Variants in PRIMA1 observed in about 807,000 individuals in gnomAD.
PRIMA1 encodes proline-rich membrane anchor 1.
In PRIMA1, 7 loss-of-function variants were observed where a neutral mutation model predicts 17.5. That is an observed-to-expected ratio of 0.40 (90% CI 0.23 to 0.75). The LOEUF is 0.75. Among genes scored for constraint, PRIMA1 ranks in the 30% least tolerant of loss-of-function variants. PRIMA1 has a pLI of 0.37. For synonymous variants in PRIMA1, 97 were observed against 77.9 expected (o/e 1.25, Z -1.29); for missense variants, 200 against 201.8 (o/e 0.99, Z 0.05).
chr14:93,728,450 T>A (rs1595190606), intron 4 of PRIMA1, among the ~76,000 whole-genome samples: 1 of 150,926 alleles, frequency 6.6e-6, no homozygotes. Context: ...AGCTGGAGAG[T>A]CCTGAGCGAG....
In PRIMA1 at chr14:93,719,428, C is replaced by T. The variant is rs535539854; in HGVS notation, c.*2016G>A. On this transcript the variant is annotated 3_prime_UTR_variant, in exon 5 of 5. Coordinates refer to ENST00000393140, the MANE Select transcript of PRIMA1 (RefSeq NM_178013.4). ...CCATGGTCCCTTAGCCAGGAACCTC[C>T]CCTCTTAGAGAAGGTGCCCTCTGAT... 2 of 152,238 alleles carry T rather than the reference C, an allele frequency of 1.3e-5. No homozygotes were observed. Among genetic ancestry groups the T allele is most frequent in the African/African-American group, 4.8e-5 (2 of 41,378 alleles). The allele number at this position is 152,238 out of a possible 1,614,324, so 9.4% of individuals were successfully genotyped here.
chr14:93,766,530 C>T (rs10138580), intron 3 of PRIMA1, among the ~76,000 whole-genome samples: 26,705 of 152,190 alleles, frequency 0.18, 2,552 homozygotes, highest in Non-Finnish European at 0.19. Flanking sequence ...TTGCCACTGC[C>T]CACTGCAGAC....
intron 3 of PRIMA1, among the ~76,000 whole-genome samples, chr14:93,770,959 C>A (rs980815513): frequency 2.6e-5 from 4 of 152,156 alleles, no homozygotes; most frequent in African/African-American, 9.7e-5. Context: ...CTGTGTACGA[C>A]TAACAAAGGA....
rs1288816537 is a variant in PRIMA1 at position 93,726,912 on chromosome 14, T to C, written c.360-5366A>G. Among the ~76,000 whole-genome samples the C allele has an allele frequency of 6.6e-6, 1 of 152,158 alleles. No individual in the cohort carries two copies. Among genetic ancestry groups the C allele is most frequent in the Non-Finnish European group, 1.5e-5 (1 of 68,038 alleles). ...ACATACATATGAATACACATATGCA[T>C]ATGCATACCTACAGACATATATCCC... On this transcript the variant is annotated intron_variant, in intron 4 of 4. Coordinates refer to ENST00000393140, the MANE Select transcript of PRIMA1 (RefSeq NM_178013.4). This position sits in a 1 kb window ranked among gnomAD's most constrained non-coding sequence, Gnocchi z 4.2.
At chr14:93,786,273 AT>A (rs1315401354) in intron 2 of PRIMA1, among the ~76,000 whole-genome samples, 1 of 152,246 alleles carries the variant, frequency 6.6e-6, no homozygotes, top group Non-Finnish European at 1.5e-5. Context: ...GCTGAGTTTA[AT>A]AACTGCTGTT....
At chr14:93,731,475 G>A (rs1433134260) in intron 4 of PRIMA1, among the ~76,000 whole-genome samples, 1 of 152,188 alleles carries the variant, frequency 6.6e-6, no homozygotes, top group African/African-American at 2.4e-5. Flanking sequence ...GCCATAGTAT[G>A]TATATGTATT....
chr14:93,785,188 C>CAAAAAAAAA (rs386382197), intron 2 of PRIMA1, among the ~76,000 whole-genome samples: 1 of 110,058 alleles, frequency 9.1e-6, no homozygotes, highest in Non-Finnish European at 1.8e-5. Context: ...TCTTCTCTTT[C>CAAAAAAAAA]AAAAAAAAAA....
Position 93,721,047 on chromosome 14 carries a change from T to G in PRIMA1, c.*397A>C. The G allele has an allele frequency of 5.9e-6, 1 of 170,858 alleles. No homozygotes were observed. 10.6% of individuals were successfully genotyped at this position (170,858 alleles called of 1,614,324 possible). A position where few individuals can be genotyped will look rare whatever the true frequency, so the allele number is the denominator to read the frequency against. On this transcript the variant is annotated 3_prime_UTR_variant, in exon 5 of 5. Coordinates refer to ENST00000393140, the MANE Select transcript of PRIMA1 (RefSeq NM_178013.4). ...GGAGGAGAGGTTTTCCGGCAGGGAGTGGGCTCCGGACCATCTTTCTTTTGG... is the reference window on the plus strand; with the variant it reads ...GGAGGAGAGGTTTTCCGGCAGGGAGGGGGCTCCGGACCATCTTTCTTTTGG...
At chr14:93,737,978 C>G (rs2076162073) in intron 3 of PRIMA1, among the ~76,000 whole-genome samples, 1 of 152,200 alleles carries the variant, frequency 6.6e-6, no homozygotes, top group Admixed American at 6.5e-5. Flanking sequence ...ACAGGGGATG[C>G]TGAGGGAGGA....
chr14:93,731,101 T>G (rs1434001790), intron 4 of PRIMA1, among the ~76,000 whole-genome samples: 2 of 152,186 alleles, frequency 1.3e-5, no homozygotes, highest in Admixed American at 1.3e-4. Context: ...AACAGCATAG[T>G]ACGCTATGTG....
chr14:93,728,545 C>G (rs2076094184), intron 4 of PRIMA1, among the ~76,000 whole-genome samples: 1 of 152,126 alleles, frequency 6.6e-6, no homozygotes, highest in African/African-American at 2.4e-5. Context: ...GGCAAGGTGT[C>G]TGGGTCTTAT....
At chr14:93,747,149 C>T (rs1304353192) in intron 3 of PRIMA1, among the ~76,000 whole-genome samples, 1 of 152,088 alleles carries the variant, frequency 6.6e-6, no homozygotes, top group Non-Finnish European at 1.5e-5. Context: ...CCCTGGGGCA[C>T]CTCAACATGA....
At chr14:93,749,506 C>G (rs372113992) in intron 3 of PRIMA1, among the ~76,000 whole-genome samples, 4 of 152,078 alleles carry the variant, frequency 2.6e-5, no homozygotes, top group Non-Finnish European at 5.9e-5. Context: ...CCCAGCTCAC[C>G]GAGACACTTA....
At chr14:93,748,344 T>C (rs1197704924) in intron 3 of PRIMA1, among the ~76,000 whole-genome samples, 1 of 152,056 alleles carries the variant, frequency 6.6e-6, no homozygotes, top group Admixed American at 6.5e-5. Context: ...GACGGCTGCA[T>C]AGACACAAAG....
At chr14:93,754,944 C>G (rs546943577) in intron 3 of PRIMA1, among the ~76,000 whole-genome samples, 1 of 152,322 alleles carries the variant, frequency 6.6e-6, no homozygotes, top group African/African-American at 2.4e-5. Flanking sequence ...GAAGCAAGCG[C>G]CACAGCAGCT....
intron 3 of PRIMA1, among the ~76,000 whole-genome samples, chr14:93,744,229 C>T (rs755510453): frequency 6.6e-6 from 1 of 152,232 alleles, no homozygotes; most frequent in African/African-American, 2.4e-5. Flanking sequence ...GGCTGACCAC[C>T]CTTTCCCTGC....
At chr14:93,735,842 A>C (rs1473275975) in intron 4 of PRIMA1, among the ~76,000 whole-genome samples, 1 of 152,008 alleles carries the variant, frequency 6.6e-6, no homozygotes, top group East Asian at 1.9e-4. Flanking sequence ...GGCGTGTGCC[A>C]CCATGACCTG....
In PRIMA1 at chr14:93,721,369, A is replaced by T; in HGVS notation, c.*75T>A. 2.1e-6 allele frequency: 2 copies of T among 940,666 alleles called. No individual in the cohort carries two copies. The highest frequency in any genetic ancestry group is 1.7e-6 in the Non-Finnish European group (1 of 585,744). The allele number at this position is 940,666 out of a possible 1,614,324, so 58.3% of individuals were successfully genotyped here. The stretch of plus-strand genomic sequence containing the variant: ...TCCTGGACAAGCTCAGGGTTAGCTC[A>T]TGTCCACCTGCTTTCCCATGTCCAC... On this transcript the variant is annotated 3_prime_UTR_variant, in exon 5 of 5. Transcript: ENST00000393140.
intron 3 of PRIMA1, among the ~76,000 whole-genome samples, chr14:93,767,417 A>G (rs578131739): frequency 6.6e-6 from 1 of 152,300 alleles, no homozygotes; most frequent in Non-Finnish European, 1.5e-5. Flanking sequence ...GAGCAGGGAA[A>G]GGGATGGGAA....
Sources: gnomAD v4.1 joint callset for allele counts (sites outside exome capture counted in the v4.1 genomes callset) on GRCh38, gnomAD v4.1.1 for gene constraint, Gnocchi (gnomAD v3.1) non-coding constraint, MANE v1.5 for transcripts, NCBI Gene and HGNC (gene_info 2026-07-23, HGNC 2026-07-21) for gene names.